IL1RAPL2: variants seen among roughly 807,000 people sequenced by gnomAD.
IL1RAPL2 encodes interleukin 1 receptor accessory protein like 2, also known as X-linked interleukin-1 receptor accessory protein-like 2.
In IL1RAPL2, 3 loss-of-function variants were observed where a neutral mutation model predicts 44.1. That is an observed-to-expected ratio of 0.07 (90% CI 0.03 to 0.18). The LOEUF (loss-of-function observed/expected upper bound fraction) is 0.18, where lower values mean the gene tolerates loss of function less well. Ranked by LOEUF, IL1RAPL2 falls within the 10% of genes least tolerant of loss-of-function variation. The pLI, the probability that IL1RAPL2 is intolerant of heterozygous loss-of-function variation, is 1.00. For missense variants in IL1RAPL2, 391 were observed against 496.4 expected (o/e 0.79, Z 2.02); for synonymous variants, 181 against 178.8 (o/e 1.01, Z -0.10).
chrX:104,845,638 C>T (rs1231429009), intron 2 of IL1RAPL2, among the ~76,000 whole-genome samples: 1 of 111,614 alleles, frequency 9.0e-6, no homozygotes, highest in Admixed American at 9.6e-5. Flanking sequence ...AAGGTTGTGG[C>T]TTTCGCAGTC....
intron 4 of IL1RAPL2, 31 bp downstream of exon 4, chrX:105,234,035 T>G: frequency 8.9e-7 from 1 of 1,125,842 alleles, no homozygotes; most frequent in Non-Finnish European, 1.2e-6. Flanking sequence ...ATTCATATTT[T>G]ACCTCAGTCA....
chrX:104,586,636 T>C (rs1173338937), intron 1 of IL1RAPL2, among the ~76,000 whole-genome samples: 1 of 112,052 alleles, frequency 8.9e-6, no homozygotes, highest in Non-Finnish European at 1.9e-5. Context: ...CAAGCAACTT[T>C]ACTGAACACC....
chrX:105,265,769 T>C (rs894424181), intron 4 of IL1RAPL2, among the ~76,000 whole-genome samples: 4 of 111,137 alleles, frequency 3.6e-5, no homozygotes, highest in Admixed American at 2.9e-4. Flanking sequence ...GTACTCGCTG[T>C]CTCAGATCAC....
chrX:105,029,245 T>A (rs1252646164), intron 2 of IL1RAPL2, among the ~76,000 whole-genome samples: 3 of 107,575 alleles, frequency 2.8e-5, no homozygotes, highest in African/African-American at 1.0e-4. Flanking sequence ...TTTTATTTAT[T>A]TATTTTTATT....
In IL1RAPL2 at chrX:105,678,558, G is replaced by T. The variant is rs184809099; in HGVS notation, c.773-38809G>T. 1.2e-3 allele frequency among the ~76,000 whole-genome samples: 126 copies of T among 105,210 alleles called. 3 individuals carry two copies. The East Asian group carries it at 0.023, about 19-fold the overall frequency. The allele number at this position is 105,210 out of a possible 115,157, so 91.4% of individuals were successfully genotyped here. On this transcript the variant is annotated intron_variant, in intron 6 of 10. Transcript: ENST00000372582. ...TGCTCAGATGAACAGTAAATTTAAT[G>T]GAACATATAGACACTCACAATGCAT... is the stretch of plus-strand genomic sequence containing the variant.
intron 5 of IL1RAPL2, among the ~76,000 whole-genome samples, chrX:105,447,894 A>G (rs1181746938): frequency 1.0e-5 from 1 of 95,345 alleles, no homozygotes; most frequent in South Asian, 4.4e-4. Flanking sequence ...ATATAAATAT[A>G]TATAAATATG....
intron 4 of IL1RAPL2, among the ~76,000 whole-genome samples, chrX:105,257,952 T>C (rs892807413): frequency 8.9e-6 from 1 of 111,952 alleles, no homozygotes; most frequent in Non-Finnish European, 1.9e-5. Context: ...TTAATACGTT[T>C]GGATTTGATC....
chrX:105,399,380 C>A (rs2035589185), intron 5 of IL1RAPL2, among the ~76,000 whole-genome samples: 1 of 111,213 alleles, frequency 9.0e-6, no homozygotes, highest in South Asian at 3.8e-4. Flanking sequence ...ATTACCTATA[C>A]CTCTCAAGCA....
intron 6 of IL1RAPL2, among the ~76,000 whole-genome samples, chrX:105,703,130 AT>A (rs1455990569): frequency 9.0e-6 from 1 of 111,606 alleles, no homozygotes; most frequent in Non-Finnish European, 1.9e-5. Context: ...TCTCAGCACT[AT>A]TGACATTTGG....
chrX:105,620,797 C>G (rs748462638), intron 6 of IL1RAPL2, among the ~76,000 whole-genome samples: 1 of 111,358 alleles, frequency 9.0e-6, no homozygotes, highest in Admixed American at 9.6e-5. Flanking sequence ...TATTAAAAAT[C>G]AACAAGACAT....
At chrX:104,978,382 A>AT (rs2030376046) in intron 2 of IL1RAPL2, among the ~76,000 whole-genome samples, 3 of 111,773 alleles carry the variant, frequency 2.7e-5, no homozygotes, top group Non-Finnish European at 5.6e-5. Flanking sequence ...TTATATTAAT[A>AT]GTATTAGTCT....
Position 105,726,667 on chromosome X carries a change from C to CTTACA in IL1RAPL2, c.902+9175_902+9179dup, listed in dbSNP as rs375446658. ...GTGATGCCCCAAACCTGCTTTGCTG[C>CTTACA]TTACATTAACTACCAGGGATACCCA... On this transcript the variant is annotated intron_variant, in intron 7 of 10. Coordinates refer to ENST00000372582, the MANE Select transcript of IL1RAPL2 (RefSeq NM_017416.2). Among the ~76,000 whole-genome samples the CTTACA allele has an allele frequency of 3.1e-3, 341 of 110,718 alleles. 1 individual carries two copies. In the Middle Eastern group the frequency reaches 0.047, roughly 15 times the overall value.
intron 5 of IL1RAPL2, among the ~76,000 whole-genome samples, chrX:105,346,248 T>G (rs1200535922): frequency 8.9e-6 from 1 of 111,966 alleles, no homozygotes; most frequent in Non-Finnish European, 1.9e-5. Flanking sequence ...TCAACAATTC[T>G]GTGTCCCAGA....
intron 6 of IL1RAPL2, among the ~76,000 whole-genome samples, chrX:105,687,425 T>C (rs1367299292): frequency 2.7e-5 from 3 of 111,314 alleles, no homozygotes; most frequent in African/African-American, 9.8e-5. Flanking sequence ...ATATGAAAAC[T>C]ACCATCAGAG....
chrX:105,756,723 T>C (rs1351563112), intron 10 of IL1RAPL2, among the ~76,000 whole-genome samples: 5 of 111,421 alleles, frequency 4.5e-5, no homozygotes, highest in African/African-American at 9.8e-5. Context: ...TACTATCCTA[T>C]ATTTATTTTT....
rs2033044434 is a variant in IL1RAPL2 at position 105,133,184 on chromosome X, T to C, written c.83-62291T>C. Among the ~76,000 whole-genome samples, 3 of 112,085 alleles carry C rather than the reference T, an allele frequency of 2.7e-5. No homozygotes were observed. The South Asian group carries it at 1.1e-3, about 41-fold the overall frequency. On this transcript the variant is annotated intron_variant, in intron 2 of 10. Transcript: ENST00000372582. ...CTCAGTTAACACATTATGAGAAATA[T>C]TCTGTGTAAATATAACCTCTGAATC...
intron 5 of IL1RAPL2, among the ~76,000 whole-genome samples, chrX:105,292,677 T>G (rs2034622685): frequency 8.9e-6 from 1 of 112,038 alleles, no homozygotes; most frequent in Non-Finnish European, 1.9e-5. Flanking sequence ...AAATATGTTA[T>G]GTAATAAAAT....
chrX:104,764,846 T>C (rs1293968823), intron 2 of IL1RAPL2, among the ~76,000 whole-genome samples: 1 of 112,368 alleles, frequency 8.9e-6, no homozygotes, highest in Non-Finnish European at 1.9e-5. Flanking sequence ...TGTCGATATG[T>C]TGTATCACAT....
intron 1 of IL1RAPL2, among the ~76,000 whole-genome samples, chrX:104,618,471 C>T (rs1929322373): frequency 8.9e-6 from 1 of 112,078 alleles, no homozygotes; most frequent in African/African-American, 3.2e-5. Flanking sequence ...AGCTGAGAAA[C>T]CTCCTTAGCC....
Sources: allele counts gnomAD v4.1 joint callset (sites outside exome capture counted in the v4.1 genomes callset), GRCh38; gene constraint gnomAD v4.1.1; transcripts MANE v1.5; gene names NCBI Gene and HGNC (gene_info 2026-07-23, HGNC 2026-07-21).